The following DNM1L variants were observed in gnomAD, a reference collection of about 807,000 sequenced individuals.
DNM1L encodes dynamin-1-like protein.
In DNM1L, 33 loss-of-function variants were observed where a neutral mutation model predicts 92.8. The observed-to-expected ratio is 0.36, with a 90% confidence interval of 0.27 to 0.48. DNM1L has a LOEUF of 0.48. Ranked by LOEUF, DNM1L falls within the 20% of genes least tolerant of loss-of-function variation. The pLI, the probability that DNM1L is intolerant of heterozygous loss-of-function variation, is 0.99. For missense variants in DNM1L, 485 were observed against 888.8 expected (o/e 0.55, Z 5.78); for synonymous variants, 284 against 305.0 (o/e 0.93, Z 0.72).
Position 32,731,803 on chromosome 12 carries a change from TA to T in DNM1L, c.1357-41del, listed in dbSNP as rs371431671. The T allele has an allele frequency of 8.9e-4, 1,043 of 1,168,936 alleles. No homozygotes were observed. Among genetic ancestry groups the T allele is most frequent in the Non-Finnish European group, 1.1e-3 (883 of 824,354 alleles). The allele number at this position is 1,168,936 out of a possible 1,614,324, so 72.4% of individuals were successfully genotyped here. On this transcript the variant is annotated intron_variant, in intron 11 of 19. Coordinates refer to ENST00000549701, the MANE Select transcript of DNM1L (RefSeq NM_012062.5). This position sits in a 1 kb window ranked among gnomAD's most constrained non-coding sequence, Gnocchi z 5.1. ...AGGATGGCTTAGTGAGACTATGACTTAAAAAAAAAACAAAAAACAAACACGT... is the reference window on the plus strand; with the variant it reads ...AGGATGGCTTAGTGAGACTATGACTTAAAAAAAAACAAAAAACAAACACGT...
intron 6 of DNM1L, among the ~76,000 whole-genome samples, chr12:32,718,396 C>A (rs1306338036): frequency 6.6e-6 from 1 of 151,840 alleles, no homozygotes. Context: ...CCCGCCTTGG[C>A]CTTCCAAACT....
chr12:32,730,485 T>C (rs1592660282), intron 9 of DNM1L, among the ~76,000 whole-genome samples: 1 of 152,348 alleles, frequency 6.6e-6, no homozygotes, highest in South Asian at 2.1e-4. Flanking sequence ...GGCGGATCAC[T>C]TGAGGTCAGG....
At chr12:32,691,308 G>C (rs527779357) in intron 1 of DNM1L, among the ~76,000 whole-genome samples, 1 of 152,056 alleles carries the variant, frequency 6.6e-6, no homozygotes, top group Non-Finnish European at 1.5e-5. Flanking sequence ...GCGCGATCTC[G>C]GCTCACTGTA....
Position 32,727,271 on chromosome 12 carries a change from A to G in DNM1L, c.1080-3743A>G, listed in dbSNP as rs1954212962. 4.2e-6 allele frequency: 6 copies of G among 1,437,604 alleles called. No individual in the cohort carries two copies. In the South Asian group the frequency reaches 6.9e-5, roughly 16 times the overall value. The allele number at this position is 1,437,604 out of a possible 1,614,324, so 89.1% of individuals were successfully genotyped here. ...TCCTTTCAAGATCGTGAACTTCCTC[A>G]TAGAATTTGGCTTCTATCTGTGCAC... On this transcript the variant is annotated intron_variant, in intron 9 of 19. Transcript: ENST00000549701.
intron 1 of DNM1L, among the ~76,000 whole-genome samples, chr12:32,685,421 C>T (rs552616808): frequency 8.3e-4 from 113 of 135,342 alleles, no homozygotes; most frequent in Middle Eastern, 5.3e-3. Flanking sequence ...AGTGCTGTGG[C>T]GCTATCTTGG....
intron 8 of DNM1L, 27 bp downstream of exon 8, chr12:32,720,822 G>A: frequency 6.2e-7 from 1 of 1,611,280 alleles, no homozygotes; most frequent in Non-Finnish European, 8.5e-7. Flanking sequence ...TTGGAAATGA[G>A]ATGTGTTTGT....
At chr12:32,727,510 G>A in intron 9 of DNM1L, 1 of 518,068 alleles carries the variant, frequency 1.9e-6, no homozygotes, top group Non-Finnish European at 3.5e-6. Flanking sequence ...TAAAAAAAGA[G>A]ACCCTATCTC....
chr12:32,697,609 G>C (rs1475527497), intron 1 of DNM1L, among the ~76,000 whole-genome samples: 1 of 152,140 alleles, frequency 6.6e-6, no homozygotes, highest in Non-Finnish European at 1.5e-5. Context: ...CACAGCTCTT[G>C]GTGTGGAAGA....
chr12:32,710,721 A>T (rs1013655238), intron 4 of DNM1L, among the ~76,000 whole-genome samples: 1 of 152,164 alleles, frequency 6.6e-6, no homozygotes, highest in African/African-American at 2.4e-5. Context: ...ATATAACATG[A>T]TACAGGGATA....
chr12:32,697,983 A>ATTT, intron 1 of DNM1L, among the ~76,000 whole-genome samples: 1 of 147,746 alleles, frequency 6.8e-6, no homozygotes, highest in African/African-American at 2.5e-5. Flanking sequence ...AGAGAATTTG[A>ATTT]TTTTTTTTTT....
chr12:32,710,856 C>G (rs1953099242), intron 4 of DNM1L, 73 bp from the exon 5 acceptor site: 1 of 1,209,884 alleles, frequency 8.3e-7, no homozygotes, highest in Admixed American at 2.1e-5. Flanking sequence ...GCATTAATGT[C>G]TATGTACTTG....
chr12:32,725,075 T>TTTC (rs141222358), intron 9 of DNM1L, among the ~76,000 whole-genome samples: 1 of 151,502 alleles, frequency 6.6e-6, no homozygotes, highest in East Asian at 1.9e-4. Flanking sequence ...CACTGAAGAT[T>TTTC]TTCTTCTTCT....
At position 32,717,845 on chromosome 12, in the gene DNM1L, AT is replaced by A. The variant is rs1352634590; in HGVS notation, c.620-794del. On this transcript the variant is annotated intron_variant, in intron 6 of 19. Transcript: ENST00000549701. ...AATATATATAGTATATACTATATAT[AT>A]TTTATAAATATACTATATATAGTAT... Among the ~76,000 whole-genome samples the A allele has an allele frequency of 2.6e-3, 276 of 106,656 alleles. 9 individuals are homozygous for A. Among genetic ancestry groups the A allele is most frequent in the South Asian group, 9.4e-3 (37 of 3,942 alleles). The allele number at this position is 106,656 out of a possible 152,430, so 70.0% of individuals were successfully genotyped here. A position where few individuals can be genotyped will look rare whatever the true frequency, so the allele number is the denominator to read the frequency against.
intron 1 of DNM1L, among the ~76,000 whole-genome samples, chr12:32,691,277 T>C (rs1952221368): frequency 6.6e-6 from 1 of 152,174 alleles, no homozygotes; most frequent in African/African-American, 2.4e-5. Flanking sequence ...TCTCGCTCTG[T>C]CGCCAGGCTG....
chr12:32,720,910 GT>G, intron 8 of DNM1L, 115 bp downstream of exon 8: 1 of 1,364,878 alleles, frequency 7.3e-7, no homozygotes, highest in African/African-American at 1.4e-5. Flanking sequence ...TTCACTTATG[GT>G]TTCTTATATA....
chr12:32,725,284 GCAAA>G (rs1288712884), intron 9 of DNM1L: 2 of 152,070 alleles, frequency 1.3e-5, no homozygotes, highest in Non-Finnish European at 2.9e-5. Context: ...ACAAAAACAA[GCAAA>G]CAAACAACAA....
chr12:32,695,220 A>G (rs189769365), intron 1 of DNM1L, among the ~76,000 whole-genome samples: 201 of 152,328 alleles, frequency 1.3e-3, no homozygotes, highest in African/African-American at 4.7e-3. Context: ...CAGAGTAGCT[A>G]TTCAGAGCCA....
chr12:32,725,249 G>T (rs1954057738), intron 9 of DNM1L: 1 of 152,064 alleles, frequency 6.6e-6, no homozygotes, highest in South Asian at 2.1e-4. Context: ...AACTAAAATT[G>T]TATTTGAAAT....
intron 2 of DNM1L, chr12:32,706,764 C>G: frequency 2.2e-6 from 1 of 451,450 alleles, no homozygotes; most frequent in Non-Finnish European, 4.4e-6. Flanking sequence ...GCAGCTAGCT[C>G]TATAATAATG....
Sources: gnomAD v4.1 joint callset for allele counts (sites outside exome capture counted in the v4.1 genomes callset) on GRCh38, gnomAD v4.1.1 for gene constraint, Gnocchi (gnomAD v3.1) non-coding constraint, MANE v1.5 for transcripts, NCBI Gene and HGNC (gene_info 2026-07-23, HGNC 2026-07-21) for gene names.